GRM7: variants seen among roughly 807,000 people sequenced by gnomAD.
GRM7 encodes the protein metabotropic glutamate receptor 7.
GRM7 carries 35 observed loss-of-function variants against 84.5 expected under a neutral mutation model. That is an observed-to-expected ratio of 0.41 (90% CI 0.32 to 0.55). The LOEUF (loss-of-function observed/expected upper bound fraction) is 0.55. Among genes scored for constraint, GRM7 ranks in the 20% least tolerant of loss-of-function variants. GRM7 has a pLI of 0.19. For missense variants in GRM7, 1,003 were observed against 1,194.6 expected, an observed-to-expected ratio of 0.84 and a Z score of 2.36; for synonymous variants, 487 against 455.1, an observed-to-expected ratio of 1.07 and a Z score of -0.89.
At chr3:7,296,712 G>T (rs531841864) in intron 2 of GRM7, among the ~76,000 whole-genome samples, 1 of 151,756 alleles carries the variant, frequency 6.6e-6, no homozygotes, top group Admixed American at 6.6e-5. Context: ...GATCATCAGG[G>T]TTACCCTTCT....
chr3:7,620,747 C>G (rs576573656), intron 8 of GRM7, among the ~76,000 whole-genome samples: 212 of 152,184 alleles, frequency 1.4e-3, no homozygotes, highest in African/African-American at 4.7e-3. Context: ...TTTAAAATGA[C>G]CCAAATTATA....
At chr3:6,933,067 A>G (rs1015714874) in intron 1 of GRM7, among the ~76,000 whole-genome samples, 9 of 152,062 alleles carry the variant, frequency 5.9e-5, no homozygotes, top group African/African-American at 2.2e-4. Flanking sequence ...TAATGTTTTT[A>G]TAAGTTAGAA....
chr3:6,874,236 T>C (rs1279227091), intron 1 of GRM7, among the ~76,000 whole-genome samples: 1 of 152,252 alleles, frequency 6.6e-6, no homozygotes, highest in Non-Finnish European at 1.5e-5. Context: ...CCATAACTGC[T>C]TATAATAACT....
chr3:7,464,764 C>T (rs1367374709), intron 7 of GRM7, among the ~76,000 whole-genome samples: 1 of 148,696 alleles, frequency 6.7e-6, no homozygotes, highest in African/African-American at 2.5e-5. Flanking sequence ...GGAGGTGGAG[C>T]TTACAGTGAG....
intron 2 of GRM7, among the ~76,000 whole-genome samples, chr3:7,238,934 T>TCG (rs750538913): frequency 1.1e-4 from 16 of 151,168 alleles, no homozygotes; most frequent in Non-Finnish European, 7.4e-5. Flanking sequence ...CCTTTACTTT[T>TCG]TGTTTTTCTC....
chr3:7,651,844 A>G (rs1353420652), intron 8 of GRM7, among the ~76,000 whole-genome samples: 1 of 152,194 alleles, frequency 6.6e-6, no homozygotes, highest in Non-Finnish European at 1.5e-5. Flanking sequence ...AGCAGGAGAA[A>G]GATTGGAGGT....
chr3:7,595,572 T>G (rs997520301), intron 8 of GRM7, among the ~76,000 whole-genome samples: 1 of 152,080 alleles, frequency 6.6e-6, no homozygotes, highest in Non-Finnish European at 1.5e-5. Context: ...ATGTAATATA[T>G]CAGTTGCTTA....
At chr3:7,178,375 G>A (rs1695223461) in intron 2 of GRM7, among the ~76,000 whole-genome samples, 1 of 151,372 alleles carries the variant, frequency 6.6e-6, no homozygotes, top group African/African-American at 2.4e-5. Context: ...ATCAGATTTT[G>A]GTTTTTTTTT....
intron 7 of GRM7, among the ~76,000 whole-genome samples, chr3:7,522,799 G>T (rs1013069172): frequency 6.6e-6 from 1 of 152,120 alleles, no homozygotes; most frequent in South Asian, 2.1e-4. Context: ...AACCCCCAAT[G>T]TATGCTATTT....
chr3:7,591,491 A>G lies in GRM7; in HGVS notation c.2451+12134A>G, dbSNP rs899651971. On this transcript the variant is annotated intron_variant, in intron 8 of 9. Transcript: ENST00000357716. ...TATGCTGTATATCAAAAGCTTTTAG[A>G]ATATGAATAACTTTTCACCCAGTAG... The G allele has an allele frequency of 1.6e-5, 7 of 445,330 alleles. No individual in the cohort carries two copies. The East Asian group carries it at 4.9e-4, about 31-fold the overall frequency. 27.6% of individuals were successfully genotyped at this position (445,330 alleles called of 1,614,324 possible). A position where few individuals can be genotyped will look rare whatever the true frequency, so the allele number is the denominator to read the frequency against.
chr3:7,450,104 C>T (rs1392668805), intron 5 of GRM7, among the ~76,000 whole-genome samples: 1 of 72,880 alleles, frequency 1.4e-5, no homozygotes, highest in African/African-American at 5.4e-5. Flanking sequence ...AGAGAATGGC[C>T]AATAACTTTT....
chr3:7,289,678 A>G lies in GRM7; in HGVS notation c.737-9006A>G, dbSNP rs549960914. The stretch of plus-strand genomic sequence containing the variant: ...ATACACCATGGAATACTATGCAGCC[A>G]TCAAAAAGAATGAGTTCATGTCCTT... On this transcript the variant is annotated intron_variant, in intron 2 of 9. Coordinates refer to ENST00000357716, the MANE Select transcript of GRM7 (RefSeq NM_000844.4). 3.9e-5 allele frequency among the ~76,000 whole-genome samples: 6 copies of G among 152,334 alleles called. No homozygotes were observed. The South Asian group carries it at 1.0e-3, about 26-fold the overall frequency.
intron 1 of GRM7, among the ~76,000 whole-genome samples, chr3:6,965,439 T>G (rs1693478708): frequency 6.6e-6 from 1 of 152,064 alleles, no homozygotes; most frequent in Admixed American, 6.5e-5. Context: ...CGTCTTAGCC[T>G]CCCCAGTAGC....
At chr3:7,223,867 G>A (rs894934035) in intron 2 of GRM7, among the ~76,000 whole-genome samples, 2 of 152,166 alleles carry the variant, frequency 1.3e-5, no homozygotes, top group Admixed American at 1.3e-4. Context: ...TCTCTTTATG[G>A]TTTCTTAGCG....
chr3:7,410,182 G>A (rs1216453274), intron 4 of GRM7, among the ~76,000 whole-genome samples: 2 of 152,162 alleles, frequency 1.3e-5, no homozygotes. Context: ...AACACATGGA[G>A]TTGGGGTTCG....
chr3:7,412,562 G>T (rs1306846363), intron 4 of GRM7, among the ~76,000 whole-genome samples: 1 of 152,122 alleles, frequency 6.6e-6, no homozygotes, highest in Non-Finnish European at 1.5e-5. Context: ...GTGTTTGAGG[G>T]CAGCAACCCA....
chr3:7,371,740 C>T (rs1694145517), intron 4 of GRM7, among the ~76,000 whole-genome samples: 1 of 152,178 alleles, frequency 6.6e-6, no homozygotes, highest in Non-Finnish European at 1.5e-5. Context: ...GGGATTTGCA[C>T]TCAGGTTTGT....
At chr3:6,897,230 C>T (rs954625306) in intron 1 of GRM7, among the ~76,000 whole-genome samples, 1 of 152,286 alleles carries the variant, frequency 6.6e-6, no homozygotes, top group South Asian at 2.1e-4. Flanking sequence ...GTATGGGAAG[C>T]AGTACTGCTT....
rs142481670 is a variant in GRM7, at chr3:7,691,718, T to C, written c.2698+11423T>C. ...CCCTGTCACCCAGCCAGGAGTGCAATGGCATGATCTCCGCTCACTGCAACG... is the reference window on the plus strand; with the variant it reads ...CCCTGTCACCCAGCCAGGAGTGCAACGGCATGATCTCCGCTCACTGCAACG... On this transcript the variant is annotated intron_variant, in intron 9 of 9. Coordinates refer to ENST00000357716, the MANE Select transcript of GRM7 (RefSeq NM_000844.4). Among the ~76,000 whole-genome samples, 16 of 152,310 alleles carry C rather than the reference T, an allele frequency of 1.1e-4. No homozygotes were observed. The East Asian group carries it at 2.3e-3, about 22-fold the overall frequency.
Sources: gnomAD v4.1 joint callset for allele counts (sites outside exome capture counted in the v4.1 genomes callset) on GRCh38, gnomAD v4.1.1 for gene constraint, MANE v1.5 for transcripts, NCBI Gene and HGNC (gene_info 2026-07-23, HGNC 2026-07-21) for gene names.